Variants in PLCXD3 observed in about 807,000 individuals in gnomAD.
PLCXD3 encodes PI-PLC X domain-containing protein 3.
A neutral mutation model predicts 25.5 loss-of-function variants in PLCXD3; 19 were observed. The ratio of observed to expected loss-of-function variants is 0.75; its 90% confidence interval spans 0.52 to 1.09. PLCXD3 has a LOEUF of 1.09. PLCXD3 is among the 50% of genes least tolerant of loss of function. The pLI, the probability that PLCXD3 is intolerant of heterozygous loss-of-function variation, is 0.00. For missense variants in PLCXD3, 411 were observed against 388.1 expected, an observed-to-expected ratio of 1.06 and a Z score of -0.50; for synonymous variants, 174 against 137.6, an observed-to-expected ratio of 1.26 and a Z score of -1.85.
intron 1 of PLCXD3, among the ~76,000 whole-genome samples, chr5:41,429,637 G>T (rs1747045127): frequency 6.6e-6 from 1 of 152,094 alleles, no homozygotes; most frequent in African/African-American, 2.4e-5. Context: ...GGCACAGTTG[G>T]TTTATTGGAA....
intron 2 of PLCXD3, among the ~76,000 whole-genome samples, chr5:41,376,849 T>C (rs184205117): frequency 2.6e-4 from 39 of 152,276 alleles, no homozygotes; most frequent in African/African-American, 8.9e-4. Context: ...TGCAGAGCCG[T>C]ACTCATAGGA....
intron 2 of PLCXD3, among the ~76,000 whole-genome samples, chr5:41,372,820 G>C (rs1429383431): frequency 2.6e-5 from 4 of 151,904 alleles, no homozygotes; most frequent in Admixed American, 6.6e-5. Context: ...GAGGCAGGAG[G>C]ATCACTTGAG....
At chr5:41,364,839 T>G (rs535474961) in intron 2 of PLCXD3, among the ~76,000 whole-genome samples, 22 of 152,350 alleles carry the variant, frequency 1.4e-4, no homozygotes, top group African/African-American at 4.1e-4. Flanking sequence ...TCATTTGATG[T>G]GTACTTTTGA....
At chr5:41,339,160 C>A (rs948988810) in intron 2 of PLCXD3, among the ~76,000 whole-genome samples, 3 of 152,044 alleles carry the variant, frequency 2.0e-5, no homozygotes, top group African/African-American at 7.2e-5. Context: ...ATATTCTTCT[C>A]CCTCTTTAGC....
intron 2 of PLCXD3, among the ~76,000 whole-genome samples, chr5:41,331,573 A>C (rs1561234756): frequency 6.6e-6 from 1 of 152,224 alleles, no homozygotes; most frequent in Non-Finnish European, 1.5e-5. Flanking sequence ...GACTTTCTTC[A>C]CAGAATTGGG....
chr5:41,317,775 A>G (rs891769530), intron 2 of PLCXD3, among the ~76,000 whole-genome samples: 2 of 152,074 alleles, frequency 1.3e-5, no homozygotes, highest in Non-Finnish European at 2.9e-5. Flanking sequence ...ATCAAGCAGA[A>G]GAAACAGTGA....
rs191752840 is a variant in PLCXD3, at chr5:41,346,119, G to A, written c.813-32349C>T. Among the ~76,000 whole-genome samples, 26 of 152,276 alleles carry A rather than the reference G, an allele frequency of 1.7e-4. No individual in the cohort carries two copies. The East Asian group carries it at 4.2e-3, about 25-fold the overall frequency. On this transcript the variant is annotated intron_variant, in intron 2 of 2. Transcript: ENST00000377801. Reference sequence around the variant, plus strand: ...TGGTCTCGAACTCCTGACCTCAGGTGATCCGCCCGCCTCGGCCTCCCGAAG... The same window carrying A: ...TGGTCTCGAACTCCTGACCTCAGGTAATCCGCCCGCCTCGGCCTCCCGAAG...
chr5:41,365,621 C>A (rs569843608), intron 2 of PLCXD3, among the ~76,000 whole-genome samples: 46 of 152,236 alleles, frequency 3.0e-4, no homozygotes, highest in African/African-American at 1.0e-3. Flanking sequence ...ATTCTTGTTT[C>A]TATCCCTGGG....
At chr5:41,483,222 C>A (rs1032035762) in intron 1 of PLCXD3, among the ~76,000 whole-genome samples, 3 of 152,054 alleles carry the variant, frequency 2.0e-5, no homozygotes, top group African/African-American at 7.2e-5. Context: ...GGAGAACTTG[C>A]AAAGGAAGCA....
intron 1 of PLCXD3, among the ~76,000 whole-genome samples, chr5:41,438,210 T>C (rs1360095696): frequency 6.6e-6 from 1 of 152,218 alleles, no homozygotes; most frequent in African/African-American, 2.4e-5. Context: ...ATTAAATTGC[T>C]CACTTTTAAG....
chr5:41,359,471 C>A (rs1744714191), intron 2 of PLCXD3, among the ~76,000 whole-genome samples: 1 of 152,108 alleles, frequency 6.6e-6, no homozygotes, highest in Non-Finnish European at 1.5e-5. Context: ...GGAGCTTATC[C>A]ATCTCCTCTA....
At chr5:41,482,265 G>T (rs1748429563) in intron 1 of PLCXD3, among the ~76,000 whole-genome samples, 3 of 152,080 alleles carry the variant, frequency 2.0e-5, no homozygotes, top group East Asian at 3.9e-4. Flanking sequence ...CACACTCACT[G>T]TTTAGTGTGT....
chr5:41,393,074 G>A lies in PLCXD3; in HGVS notation c.104-10540C>T, dbSNP rs117095243. Among the ~76,000 whole-genome samples the A allele has an allele frequency of 2.1e-4, 32 of 152,228 alleles. 1 individual carries two copies. In the East Asian group the frequency reaches 5.8e-3, roughly 28 times the overall value. ...GCACTTAGACAGAATCTAGAAAATA[G>A]CACCAAAAGGGCAAATCTAAGATTT... is the stretch of plus-strand genomic sequence containing the variant. On this transcript the variant is annotated intron_variant, in intron 1 of 2. Coordinates refer to ENST00000377801, the MANE Select transcript of PLCXD3 (RefSeq NM_001005473.3).
chr5:41,313,767 A>C lies in PLCXD3; in HGVS notation c.816T>G (p.Ala272=), dbSNP rs1209168911. ...GGACCCACTGCATCATGGCAGGAAG[A>C]GCTCTGAGAAAGGAAACAAAAAGAA... The part of the protein sequence containing the change: ...SGLRETITER[A]LPAMMQWVRT... The change falls in exon 3 of 3, where the codon GCT becomes GCG. Residue 272 remains alanine, a synonymous_variant. Coordinates refer to ENST00000377801, the MANE Select transcript of PLCXD3 (RefSeq NM_001005473.3). The C allele has an allele frequency of 6.3e-7, 1 of 1,577,106 alleles. No individual in the cohort carries two copies. Among genetic ancestry groups the C allele is most frequent in the Non-Finnish European group, 8.6e-7 (1 of 1,163,992 alleles).
At chr5:41,428,486 G>T (rs1045058455) in intron 1 of PLCXD3, among the ~76,000 whole-genome samples, 2 of 148,952 alleles carry the variant, frequency 1.3e-5, no homozygotes, top group Non-Finnish European at 3.0e-5. Context: ...TGTACACAGA[G>T]AAAAGATCAC....
At chr5:41,334,582 G>A (rs1426663055) in intron 2 of PLCXD3, among the ~76,000 whole-genome samples, 1 of 152,108 alleles carries the variant, frequency 6.6e-6, no homozygotes, top group East Asian at 1.9e-4. Context: ...TGCCAAGAAG[G>A]TTGTTAGTTT....
At chr5:41,339,386 C>T (rs2150477143) in intron 2 of PLCXD3, among the ~76,000 whole-genome samples, 1 of 152,120 alleles carries the variant, frequency 6.6e-6, no homozygotes, top group Admixed American at 6.5e-5. Context: ...TAATAGCCAT[C>T]TGAGTAAGTC....
intron 1 of PLCXD3, among the ~76,000 whole-genome samples, chr5:41,488,043 A>G (rs1748559846): frequency 6.9e-6 from 1 of 145,082 alleles, no homozygotes; most frequent in African/African-American, 2.6e-5. Flanking sequence ...CATTAGGTAT[A>G]TCTCCTAAAG....
chr5:41,494,970 T>C (rs1387123032), intron 1 of PLCXD3, among the ~76,000 whole-genome samples: 1 of 152,200 alleles, frequency 6.6e-6, no homozygotes, highest in Non-Finnish European at 1.5e-5. Flanking sequence ...GTCAGCAAGA[T>C]GGCAGAATAG....
Sources: allele counts gnomAD v4.1 joint callset (sites outside exome capture counted in the v4.1 genomes callset), GRCh38; gene constraint gnomAD v4.1.1; transcripts MANE v1.5; gene names NCBI Gene and HGNC (gene_info 2026-07-23, HGNC 2026-07-21).